Variants in LRRC7 observed in about 807,000 individuals in gnomAD.
The protein encoded by LRRC7 is leucine-rich repeat-containing protein 7.
Under a neutral mutation model 175.7 loss-of-function variants are expected in LRRC7, and 23 were observed. That is an observed-to-expected ratio of 0.13 (90% CI 0.09 to 0.19). LRRC7 has a LOEUF of 0.19. Among genes scored for constraint, LRRC7 ranks in the 10% least tolerant of loss-of-function variants. The probability of loss-of-function intolerance (pLI) is 1.00; values close to 1 mark genes in which losing one functional copy is unlikely to be tolerated. For synonymous variants in LRRC7, 685 were observed against 680.9 expected, an observed-to-expected ratio of 1.01 and a Z score of -0.09; for missense variants, 1,354 against 1,904.7, an observed-to-expected ratio of 0.71 and a Z score of 5.38.
intron 2 of LRRC7, among the ~76,000 whole-genome samples, chr1:69,696,435 A>G (rs1035623944): frequency 2.0e-5 from 3 of 152,208 alleles, no homozygotes; most frequent in African/African-American, 7.2e-5. Flanking sequence ...TAGGAGTCTC[A>G]GATGGGACTT....
rs1204650835 is a variant in LRRC7 at position 70,136,721 on chromosome 1, CTTT to C, written c.*14856_*14858del. On this transcript the variant is annotated 3_prime_UTR_variant, in exon 27 of 27. Coordinates refer to ENST00000651989, the MANE Select transcript of LRRC7 (RefSeq NM_001370785.2). ...TTCTGCTTTATTGCTTTTTTAATGCCTTTTTTTTTTTTTTTTTTTTTTTTCTGA... is the reference window on the plus strand; with the variant it reads ...TTCTGCTTTATTGCTTTTTTAATGCCTTTTTTTTTTTTTTTTTTTTTCTGA... Among the ~76,000 whole-genome samples, 34 of 98,346 alleles carry C rather than the reference CTTT, an allele frequency of 3.5e-4. No individual in the cohort carries two copies. The highest frequency in any genetic ancestry group is 5.2e-4 in the Non-Finnish European group (26 of 50,368). The allele number at this position is 98,346 out of a possible 152,430, so 64.5% of individuals were successfully genotyped here. A position where few individuals can be genotyped will look rare whatever the true frequency, so the allele number is the denominator to read the frequency against.
At chr1:69,708,189 A>C (rs942316373) in intron 2 of LRRC7, among the ~76,000 whole-genome samples, 1 of 152,198 alleles carries the variant, frequency 6.6e-6, no homozygotes, top group African/African-American at 2.4e-5. Context: ...AAGTAAAAAC[A>C]ATGTGTTTGC....
Position 69,819,974 on chromosome 1 carries a change from AC to A in LRRC7, c.422-5771del, listed in dbSNP as rs1332807010. Among the ~76,000 whole-genome samples, 3 of 151,928 alleles carry A rather than the reference AC, an allele frequency of 2.0e-5. No individual in the cohort carries two copies. The East Asian group carries it at 5.8e-4, about 29-fold the overall frequency. ...CGTGTAGTTGGGTCATGTTTTTTTC[AC>A]CCATTCAATGACTCTATGTCTTTTC... On this transcript the variant is annotated intron_variant, in intron 4 of 26. Coordinates refer to ENST00000651989, the MANE Select transcript of LRRC7 (RefSeq NM_001370785.2).
chr1:69,935,359 T>A (rs1647894198), intron 8 of LRRC7, among the ~76,000 whole-genome samples: 1 of 152,206 alleles, frequency 6.6e-6, no homozygotes, highest in Admixed American at 6.5e-5. Context: ...GCATAATACA[T>A]ACTGGTTATA....
In LRRC7 at chr1:70,039,774, A is replaced by C. The variant is rs768399344; in HGVS notation, c.3950A>C (p.Glu1317Ala). ...DWRQQLLRHIEARRLDRNAAY... is the reference protein window; with the variant it reads ...DWRQQLLRHIAARRLDRNAAY... ...AGACAACAGCTGCTTAGACATATAGAAGCTAGACGGTTAGACAGGGTATGT... is the reference window on the plus strand; with the variant it reads ...AGACAACAGCTGCTTAGACATATAGCAGCTAGACGGTTAGACAGGGTATGT... Residue 1317 changes from glutamate to alanine, a missense_variant, in exon 21 of 27, where the codon GAA becomes GCA. Around this residue, in one of 4 missense-constraint regions of LRRC7, gnomAD observed 1,032 missense variants for 1,227.2 expected, o/e 0.84. Transcript: ENST00000651989. 1 of 1,600,476 alleles carries C rather than the reference A, an allele frequency of 6.2e-7. No individual in the cohort carries two copies. Among genetic ancestry groups the C allele is most frequent in the Non-Finnish European group, 8.5e-7 (1 of 1,174,882 alleles).
intron 7 of LRRC7, among the ~76,000 whole-genome samples, chr1:69,850,623 G>A (rs1367289490): frequency 2.7e-4 from 41 of 152,074 alleles, no homozygotes. Context: ...TTTGGAAGTA[G>A]GTCCTTGCTG....
chr1:69,611,757 G>A, intron 1 of LRRC7, among the ~76,000 whole-genome samples: 1 of 151,916 alleles, frequency 6.6e-6, no homozygotes, highest in East Asian at 1.9e-4. Context: ...TTCAACAGTG[G>A]AATCTCCAAT....
Position 70,102,154 on chromosome 1 carries a change from T to G in LRRC7, c.4546-5598T>G, listed in dbSNP as rs974484990. 2.0e-5 allele frequency among the ~76,000 whole-genome samples: 3 copies of G among 152,330 alleles called. No homozygotes were observed. In the South Asian group the frequency reaches 6.2e-4, roughly 32 times the overall value. On this transcript the variant is annotated intron_variant, in intron 25 of 26. Coordinates refer to ENST00000651989, the MANE Select transcript of LRRC7 (RefSeq NM_001370785.2). ...AGGGTTGATACTCCTGACTTGGAGC[T>G]ACTAAAGGAAGTAGTCCCTGAAAGT... is the stretch of plus-strand genomic sequence containing the variant.
chr1:69,880,766 A>G (rs1474589832), intron 7 of LRRC7, among the ~76,000 whole-genome samples: 1 of 113,004 alleles, frequency 8.8e-6, no homozygotes, highest in Non-Finnish European at 1.7e-5. Flanking sequence ...ATATATAAGG[A>G]AAAAAAGAAG....
In LRRC7 at chr1:70,129,763, C is replaced by T. The variant is rs1571397048; in HGVS notation, c.*7876C>T. 6.6e-6 allele frequency among the ~76,000 whole-genome samples: 1 copy of T among 152,218 alleles called. No homozygotes were observed. The highest frequency in any genetic ancestry group is 2.4e-5 in the African/African-American group (1 of 41,446). On this transcript the variant is annotated 3_prime_UTR_variant, in exon 27 of 27. Coordinates refer to ENST00000651989, the MANE Select transcript of LRRC7 (RefSeq NM_001370785.2). The stretch of plus-strand genomic sequence containing the variant: ...CTGCTCAAGTGATCCCCTGAAAATA[C>T]TGTTTGCATGAGATTGGATCACACA...
At chr1:69,849,794 A>G (rs988134159) in intron 7 of LRRC7, among the ~76,000 whole-genome samples, 12 of 152,096 alleles carry the variant, frequency 7.9e-5, no homozygotes, top group Non-Finnish European at 1.5e-4. Flanking sequence ...CTGAAGACAT[A>G]CTGATAAGTT....
intron 8 of LRRC7, among the ~76,000 whole-genome samples, chr1:69,954,914 A>G (rs1207900596): frequency 6.6e-6 from 1 of 152,078 alleles, no homozygotes; most frequent in Non-Finnish European, 1.5e-5. Flanking sequence ...AAAGCTATAC[A>G]CAAGATGTTA....
chr1:69,611,867 A>G (rs1285366210), intron 1 of LRRC7, among the ~76,000 whole-genome samples: 1 of 152,074 alleles, frequency 6.6e-6, no homozygotes, highest in Non-Finnish European at 1.5e-5. Flanking sequence ...ACCTTAGCCA[A>G]ACTCAGCTGG....
rs961293572 is a variant in LRRC7 at position 70,017,530 on chromosome 1, C to G, written c.1320+996C>G. 5.3e-5 allele frequency among the ~76,000 whole-genome samples: 8 copies of G among 152,120 alleles called. No homozygotes were observed. The South Asian group carries it at 1.2e-3, about 24-fold the overall frequency. On this transcript the variant is annotated intron_variant, in intron 14 of 26. Transcript: ENST00000651989. ...CTTGTGATCCTTAAATTTTGAAACA[C>G]CTATCCTCAAATATGAATGGCTAAA...
intron 23 of LRRC7, among the ~76,000 whole-genome samples, chr1:70,070,857 G>A (rs915749946): frequency 6.6e-6 from 1 of 152,132 alleles, no homozygotes; most frequent in African/African-American, 2.4e-5. Flanking sequence ...CTTCATTACT[G>A]CTGGGTAGGA....
intron 2 of LRRC7, among the ~76,000 whole-genome samples, chr1:69,709,027 T>C (rs1796974): frequency 0.44 from 66,430 of 152,022 alleles, 14,759 homozygotes; most frequent in Admixed American, 0.5. Context: ...CAAAAAGGCT[T>C]CCCTGTTACT....
intron 21 of LRRC7, among the ~76,000 whole-genome samples, chr1:70,042,771 G>A (rs1364639524): frequency 2.0e-5 from 3 of 152,112 alleles, no homozygotes; most frequent in East Asian, 1.9e-4. Context: ...TTGGCATGGT[G>A]ACAATGGAAA....
chr1:69,609,638 T>C (rs1386380083), intron 1 of LRRC7, among the ~76,000 whole-genome samples: 1 of 152,024 alleles, frequency 6.6e-6, no homozygotes, highest in African/African-American at 2.4e-5. Context: ...GTACATAGAA[T>C]GGATGCTATT....
chr1:69,919,740 A>G, intron 7 of LRRC7: 2 of 1,003,344 alleles, frequency 2.0e-6, no homozygotes. Flanking sequence ...GGTCAGATGC[A>G]GAAGCCATTT....
Sources: gnomAD v4.1 joint callset for allele counts (sites outside exome capture counted in the v4.1 genomes callset) on GRCh38, gnomAD v4.1.1 for gene constraint, gnomAD v4.1.1 regional missense constraint, MANE v1.5 for transcripts, NCBI Gene and HGNC (gene_info 2026-07-23, HGNC 2026-07-21) for gene names.